Variants in ACVR1B observed in about 807,000 individuals in gnomAD.
ACVR1B encodes activin A receptor type 1B, also known as activin receptor type-1B.
ACVR1B carries 15 observed loss-of-function variants against 55.6 expected under a neutral mutation model. The observed-to-expected ratio is 0.27, with a 90% CI of 0.18 to 0.42. The LOEUF (loss-of-function observed/expected upper bound fraction) is 0.42. Among genes scored for constraint, ACVR1B ranks in the 10% least tolerant of loss-of-function variants. ACVR1B has a pLI of 1.00. For synonymous variants in ACVR1B, 247 were observed against 254.6 expected (o/e 0.97, Z 0.28); for missense variants, 359 against 670.1 (o/e 0.54, Z 5.13).
chr12:51,961,411 A>G (rs1488549247), intron 1 of ACVR1B, among the ~76,000 whole-genome samples: 1 of 152,196 alleles, frequency 6.6e-6, no homozygotes, highest in East Asian at 1.9e-4. Flanking sequence ...TTTTAAACCT[A>G]CTCAAAAAAT....
At chr12:51,974,529 G>A (rs138669192) in intron 1 of ACVR1B, among the ~76,000 whole-genome samples, 268 of 152,130 alleles carry the variant, frequency 1.8e-3, no homozygotes, top group African/African-American at 5.2e-3. Flanking sequence ...GTGTGCGCGC[G>A]CACACTCATG....
chr12:51,956,690 C>T (rs1941415889), intron 1 of ACVR1B, among the ~76,000 whole-genome samples: 1 of 152,216 alleles, frequency 6.6e-6, no homozygotes, highest in South Asian at 2.1e-4. Context: ...AGGGGAAATA[C>T]AGGGCTAGGT....
chr12:51,952,885 T>A (rs549670081), intron 1 of ACVR1B, among the ~76,000 whole-genome samples: 982 of 94,876 alleles, frequency 0.01, 2 homozygotes, highest in Non-Finnish European at 0.013. Context: ...ACCCCCCCAC[T>A]CTCCTCTCTG....
rs1942054805 is a variant in ACVR1B at position 51,985,241 on chromosome 12, G to T, written c.1029G>T (p.Val343=). The T allele has an allele frequency of 1.2e-6, 2 of 1,613,900 alleles. No homozygotes were observed. Among genetic ancestry groups the T allele is most frequent in the Non-Finnish European group, 1.7e-6 (2 of 1,179,924 alleles). ...ACTTAAAGTCAAAGAACATTCTGGT[G>T]AAGAAAAATGGCATGTGTGCCATAG... The part of the protein sequence containing the change: ...HRDLKSKNIL[V]KKNGMCAIAD... Residue 343 remains valine (V), a synonymous_variant, in exon 6 of 9, where the codon GTG becomes GTT. Coordinates refer to ENST00000257963, the MANE Select transcript of ACVR1B (RefSeq NM_004302.5).
intron 1 of ACVR1B, among the ~76,000 whole-genome samples, chr12:51,968,377 G>A (rs1941681339): frequency 6.6e-6 from 1 of 152,188 alleles, no homozygotes. Flanking sequence ...TTAATAGTTG[G>A]CTTGTAATAA....
chr12:51,987,373 T>C (rs1942100818), intron 7 of ACVR1B: 4 of 468,232 alleles, frequency 8.5e-6, no homozygotes, highest in East Asian at 3.3e-5. Context: ...TTTCTAAATT[T>C]ATAAAAGTGC....
At chr12:51,969,299 G>A (rs919851426) in intron 1 of ACVR1B, among the ~76,000 whole-genome samples, 3 of 152,100 alleles carry the variant, frequency 2.0e-5, no homozygotes, top group Non-Finnish European at 2.9e-5. Flanking sequence ...TAATGTTGTC[G>A]TCGTAAATGG....
At chr12:51,962,800 A>G (rs1391634299) in intron 1 of ACVR1B, among the ~76,000 whole-genome samples, 1 of 152,246 alleles carries the variant, frequency 6.6e-6, no homozygotes, top group Non-Finnish European at 1.5e-5. Flanking sequence ...GTAGAAATGT[A>G]TATAAAGTGA....
intron 1 of ACVR1B, chr12:51,953,359 C>G: frequency 1.0e-6 from 1 of 985,384 alleles, no homozygotes; most frequent in Non-Finnish European, 1.2e-6. Flanking sequence ...GCCTGTGCAG[C>G]GGGGTCTTTG....
chr12:51,986,260 C>T (rs941805527), intron 6 of ACVR1B, among the ~76,000 whole-genome samples: 2 of 152,110 alleles, frequency 1.3e-5, no homozygotes, highest in African/African-American at 4.8e-5. Flanking sequence ...AATCTTTACT[C>T]TCTCTTTGTT....
chr12:51,968,744 A>G (rs1475467113), intron 1 of ACVR1B, among the ~76,000 whole-genome samples: 1 of 152,204 alleles, frequency 6.6e-6, no homozygotes, highest in African/African-American at 2.4e-5. Flanking sequence ...GCCTAAGCTA[A>G]CCTAAGCTAA....
At chr12:51,971,254 C>T (rs1451421266) in intron 1 of ACVR1B, among the ~76,000 whole-genome samples, 1 of 152,214 alleles carries the variant, frequency 6.6e-6, no homozygotes, top group Admixed American at 6.5e-5. Flanking sequence ...TACATCCTAC[C>T]ACAAACCACC....
At chr12:51,962,861 G>C (rs1233930093) in intron 1 of ACVR1B, among the ~76,000 whole-genome samples, 2 of 152,160 alleles carry the variant, frequency 1.3e-5, no homozygotes, top group East Asian at 1.9e-4. Context: ...GAAATTATTA[G>C]GCTGAGATCT....
rs549510404 is a variant in ACVR1B at position 51,961,730 on chromosome 12, T to C, written c.91+9896T>C. 3.9e-5 allele frequency among the ~76,000 whole-genome samples: 6 copies of C among 152,368 alleles called. No homozygotes were observed. The East Asian group carries it at 1.2e-3, about 29-fold the overall frequency. The stretch of plus-strand genomic sequence containing the variant: ...ACCAGGGATAAATATCCTTCCCTGC[T>C]CTATTGAGCCAGAAGTATGTTTATT... On this transcript the variant is annotated intron_variant, in intron 1 of 8. Coordinates refer to ENST00000257963, the MANE Select transcript of ACVR1B (RefSeq NM_004302.5).
chr12:51,988,485 C>T (rs1374305241), intron 7 of ACVR1B, among the ~76,000 whole-genome samples: 1 of 152,046 alleles, frequency 6.6e-6, no homozygotes, highest in Non-Finnish European at 1.5e-5. Flanking sequence ...AACAAACAAA[C>T]TAAGAAAAAT....
chr12:51,973,672 A>G (rs762983104), intron 1 of ACVR1B, among the ~76,000 whole-genome samples: 4 of 152,206 alleles, frequency 2.6e-5, no homozygotes, highest in Non-Finnish European at 5.9e-5. Context: ...TCTAATAGGC[A>G]CCTACTTTAA....
chr12:51,983,012 A>G (rs891654380), intron 4 of ACVR1B, among the ~76,000 whole-genome samples: 1 of 152,182 alleles, frequency 6.6e-6, no homozygotes, highest in African/African-American at 2.4e-5. Context: ...TCCAGGATCC[A>G]TCCCTTTATT....
At chr12:51,978,239 G>T (rs1941906640) in intron 3 of ACVR1B, among the ~76,000 whole-genome samples, 1 of 152,146 alleles carries the variant, frequency 6.6e-6, no homozygotes, top group Non-Finnish European at 1.5e-5. Context: ...GAATTGATTT[G>T]CTGCTAGAGG....
At chr12:51,987,112 G>A (rs1942094643) in intron 7 of ACVR1B, 170 bp downstream of exon 7, 3 of 877,154 alleles carry the variant, frequency 3.4e-6, no homozygotes, top group Non-Finnish European at 5.7e-6. Context: ...TGCTTAGGGT[G>A]CGTTTATTCT....
Sources: gnomAD v4.1 joint callset for allele counts (sites outside exome capture counted in the v4.1 genomes callset) on GRCh38, gnomAD v4.1.1 for gene constraint, MANE v1.5 for transcripts, NCBI Gene and HGNC (gene_info 2026-07-23, HGNC 2026-07-21) for gene names.